The following STX8 variants were observed in gnomAD, a reference collection of about 807,000 sequenced individuals.
STX8 encodes the protein syntaxin-8.
Under a neutral mutation model 37.5 loss-of-function variants are expected in STX8, and 23 were observed. The ratio of observed to expected loss-of-function variants is 0.61; its 90% CI spans 0.44 to 0.87. The LOEUF (loss-of-function observed/expected upper bound fraction) is 0.87, where lower values mean the gene tolerates loss of function less well. Among genes scored for constraint, STX8 ranks in the 40% least tolerant of loss-of-function variants. STX8 has a pLI of 0.00. For synonymous variants in STX8, 115 were observed against 99.1 expected, an observed-to-expected ratio of 1.16 and a Z score of -0.95; for missense variants, 313 against 284.7, an observed-to-expected ratio of 1.10 and a Z score of -0.71.
At chr17:9,293,045 T>C (rs963903527) in intron 7 of STX8, among the ~76,000 whole-genome samples, 17 of 152,138 alleles carry the variant, frequency 1.1e-4, no homozygotes, top group African/African-American at 4.1e-4. Flanking sequence ...TTTAAATTCA[T>C]TTCACCAATA....
intron 3 of STX8, among the ~76,000 whole-genome samples, chr17:9,549,282 G>A (rs555639848): frequency 1.1e-4 from 17 of 152,232 alleles, no homozygotes; most frequent in African/African-American, 2.4e-4. Context: ...TTAAACTTAC[G>A]TCAAGAAGGA....
At chr17:9,549,506 G>A (rs1906679873) in intron 3 of STX8, among the ~76,000 whole-genome samples, 3 of 152,178 alleles carry the variant, frequency 2.0e-5, no homozygotes, top group Admixed American at 1.3e-4. Flanking sequence ...TTCAACCCTA[G>A]CTCATGGCTT....
At chr17:9,552,361 T>A (rs1250963325) in intron 3 of STX8, among the ~76,000 whole-genome samples, 2 of 152,096 alleles carry the variant, frequency 1.3e-5, no homozygotes, top group African/African-American at 4.8e-5. Flanking sequence ...AGAAAAAAAG[T>A]TCTTATAAAT....
rs539199246 is a variant in STX8, at chr17:9,277,581, G to T, written c.644-26936C>A. ...TGCCTGAGGAATTGACAGGCTAATG[G>T]GGGAGTCAGACATTCAAACAACCAC... is the stretch of plus-strand genomic sequence containing the variant. On this transcript the variant is annotated intron_variant, in intron 7 of 7. Coordinates refer to ENST00000306357, the MANE Select transcript of STX8 (RefSeq NM_004853.3). Among the ~76,000 whole-genome samples the T allele has an allele frequency of 1.5e-4, 23 of 152,212 alleles. No individual in the cohort carries two copies. In the South Asian group the frequency reaches 4.8e-3, roughly 32 times the overall value.
At chr17:9,504,066 C>G (rs554550925) in intron 5 of STX8, among the ~76,000 whole-genome samples, 1 of 150,668 alleles carries the variant, frequency 6.6e-6, no homozygotes, top group South Asian at 2.1e-4. Context: ...ACCCAGCCGA[C>G]ACATACTAAG....
chr17:9,400,917 A>AC (rs752465846), intron 6 of STX8, among the ~76,000 whole-genome samples: 41 of 152,166 alleles, frequency 2.7e-4, no homozygotes, highest in Non-Finnish European at 8.8e-5. Flanking sequence ...AAAATGCTGT[A>AC]CAGTTTTTAT....
chr17:9,318,077 A>C (rs540933530), intron 7 of STX8, among the ~76,000 whole-genome samples: 2 of 152,338 alleles, frequency 1.3e-5, no homozygotes, highest in Non-Finnish European at 2.9e-5. Context: ...ATGCTATAGA[A>C]GGCACAGAAT....
At chr17:9,492,340 ACT>A (rs1906890244) in intron 5 of STX8, among the ~76,000 whole-genome samples, 1 of 152,192 alleles carries the variant, frequency 6.6e-6, no homozygotes, top group Non-Finnish European at 1.5e-5. Flanking sequence ...ATAAAAAACT[ACT>A]TTTTTTGGCT....
At chr17:9,282,246 C>T (rs1467712372) in intron 7 of STX8, among the ~76,000 whole-genome samples, 2 of 152,126 alleles carry the variant, frequency 1.3e-5, no homozygotes, top group Non-Finnish European at 2.9e-5. Context: ...CATTCTCCTG[C>T]CTCAGCCCCC....
intron 4 of STX8, among the ~76,000 whole-genome samples, chr17:9,535,810 TAGAAAA>T (rs1906025719): frequency 6.6e-6 from 1 of 152,138 alleles, no homozygotes; most frequent in Admixed American, 6.5e-5. Flanking sequence ...ATTTTTGTAA[TAGAAAA>T]AGACTGAAAA....
intron 7 of STX8, among the ~76,000 whole-genome samples, chr17:9,361,197 C>A (rs902674860): frequency 1.3e-5 from 2 of 151,934 alleles, no homozygotes; most frequent in Admixed American, 1.3e-4. Flanking sequence ...ATCCCTAGAG[C>A]TGATTAAAGA....
intron 4 of STX8, among the ~76,000 whole-genome samples, chr17:9,506,407 T>TCCCCCCCCCCCCCCCCCCCCCCCCCCCC (rs57490676): frequency 2.5e-5 from 1 of 39,358 alleles, no homozygotes; most frequent in Non-Finnish European, 4.9e-5. Context: ...GCTCACCCGC[T>TCCCCCCCCCCCCCCCCCCCCCCCCCCCC]CCCCCCCCCC....
intron 7 of STX8, among the ~76,000 whole-genome samples, chr17:9,289,782 A>AAAAAC (rs1253703132): frequency 2.9e-5 from 4 of 136,378 alleles, no homozygotes; most frequent in South Asian, 2.7e-4. Context: ...TCCGTCTCAA[A>AAAAAC]AAAACAAAAA....
At chr17:9,481,982 G>A (rs979843074) in intron 6 of STX8, among the ~76,000 whole-genome samples, 11 of 152,172 alleles carry the variant, frequency 7.2e-5, no homozygotes, top group Admixed American at 3.3e-4. Context: ...GTTGGGGACC[G>A]CTGTTCTATG....
intron 4 of STX8, among the ~76,000 whole-genome samples, chr17:9,539,403 G>A (rs1378522651): frequency 1.3e-5 from 2 of 152,238 alleles, no homozygotes; most frequent in African/African-American, 2.4e-5. Context: ...GGTTCCAAGC[G>A]AGTCCTGGTA....
chr17:9,490,475 A>C (rs1229687839), intron 6 of STX8, among the ~76,000 whole-genome samples: 3 of 151,852 alleles, frequency 2.0e-5, no homozygotes, highest in Non-Finnish European at 2.9e-5. Context: ...GGGTTCTAGC[A>C]ATTCTCCTGC....
At chr17:9,421,509 AT>A (rs1913428694) in intron 6 of STX8, among the ~76,000 whole-genome samples, 1 of 148,994 alleles carries the variant, frequency 6.7e-6, no homozygotes. Context: ...GAATACAGCC[AT>A]GCTTATGCCT....
At chr17:9,509,718 G>C (rs1230632504) in intron 4 of STX8, among the ~76,000 whole-genome samples, 1 of 151,804 alleles carries the variant, frequency 6.6e-6, no homozygotes, top group East Asian at 1.9e-4. Context: ...AAGGAACAAA[G>C]GATATAGAAA....
intron 6 of STX8, among the ~76,000 whole-genome samples, chr17:9,453,057 C>T (rs1414941236): frequency 6.6e-6 from 1 of 152,142 alleles, no homozygotes; most frequent in African/African-American, 2.4e-5. Context: ...CTGCCCGCCT[C>T]GGCCTCCCAA....
Sources: allele counts gnomAD v4.1 joint callset (sites outside exome capture counted in the v4.1 genomes callset), GRCh38; gene constraint gnomAD v4.1.1; transcripts MANE v1.5; gene names NCBI Gene and HGNC (gene_info 2026-07-23, HGNC 2026-07-21).